The following C5orf58 variants were observed in gnomAD, a reference collection of about 807,000 sequenced individuals.
The protein encoded by C5orf58 is chromosome 5 open reading frame 58.
Under a neutral mutation model 2.9 loss-of-function variants are expected in C5orf58, and 2 were observed. That is an observed-to-expected ratio of 0.69 (90% confidence interval 0.28 to 2.18). The LOEUF (loss-of-function observed/expected upper bound fraction) is 2.18, where lower values mean the gene tolerates loss of function less well. Ranked by LOEUF, C5orf58 falls within the 30% of genes most tolerant of loss-of-function variation. The probability of loss-of-function intolerance (pLI) is 0.13; values close to 1 mark genes in which losing one functional copy is unlikely to be tolerated. For missense variants in C5orf58, 96 were observed against 91.7 expected (o/e 1.05, Z -0.19); for synonymous variants, 37 against 33.4 (o/e 1.11, Z -0.37).
intron 3 of C5orf58, among the ~76,000 whole-genome samples, chr5:170,242,643 A>G (rs958438226): frequency 9.5e-6 from 1 of 105,676 alleles, no homozygotes; most frequent in African/African-American, 3.9e-5. Flanking sequence ...ATCATTTTTT[A>G]TTGTGTCTAT....
chr5:170,236,752 G>A (rs891907766), intron 3 of C5orf58, among the ~76,000 whole-genome samples: 1 of 152,158 alleles, frequency 6.6e-6, no homozygotes, highest in Non-Finnish European at 1.5e-5. Flanking sequence ...AAATCCCATT[G>A]CTATACCCTA....
intron 3 of C5orf58, chr5:170,237,243 G>A: frequency 2.5e-6 from 1 of 398,344 alleles, no homozygotes; most frequent in Non-Finnish European, 4.4e-6. Flanking sequence ...TGAACACTCT[G>A]TGCACCCTCA....
At chr5:170,245,096 G>A (rs1761202914) in intron 3 of C5orf58, among the ~76,000 whole-genome samples, 1 of 152,216 alleles carries the variant, frequency 6.6e-6, no homozygotes, top group Admixed American at 6.5e-5. Context: ...CGGGTCAGGG[G>A]TCAGGGACCC....
At chr5:170,238,956 A>C (rs988531605) in intron 3 of C5orf58, among the ~76,000 whole-genome samples, 2 of 152,248 alleles carry the variant, frequency 1.3e-5, no homozygotes, top group African/African-American at 4.8e-5. Flanking sequence ...AGGGCACTCC[A>C]CAGAATGGAG....
downstream of C5orf58, chr5:170,248,737 C>G: frequency 6.2e-7 from 1 of 1,610,692 alleles, no homozygotes; most frequent in Middle Eastern, 1.7e-4. Context: ...GCACTGGTAT[C>G]TGGAACCTCG....
intron 3 of C5orf58, among the ~76,000 whole-genome samples, chr5:170,238,865 A>G (rs1261208776): frequency 1.3e-5 from 2 of 152,218 alleles, no homozygotes; most frequent in African/African-American, 4.8e-5. Context: ...ATATAATTTT[A>G]TTCCCTCTGG....
downstream of C5orf58, among the ~76,000 whole-genome samples, chr5:170,249,392 A>C (rs566010225): frequency 7.0e-6 from 1 of 143,564 alleles, no homozygotes; most frequent in African/African-American, 2.8e-5. Flanking sequence ...CTACATATCT[A>C]TATATATATA....
intron 3 of C5orf58, among the ~76,000 whole-genome samples, chr5:170,235,840 C>A (rs988048054): frequency 1.1e-4 from 16 of 152,192 alleles, no homozygotes; most frequent in Admixed American, 4.6e-4. Flanking sequence ...AACAAAAAAA[C>A]CAACTTAACT....
At chr5:170,250,745 TCCAGTTC>T, downstream of C5orf58, 1 of 1,613,374 alleles carries the variant, frequency 6.2e-7, no homozygotes, top group Non-Finnish European at 8.5e-7. Flanking sequence ...TCCCTCGGAG[TCCAGTTC>T]CCAACAAGTA....
At chr5:170,244,358 G>A (rs867507945) in intron 3 of C5orf58, among the ~76,000 whole-genome samples, 4 of 150,990 alleles carry the variant, frequency 2.6e-5, no homozygotes, top group Non-Finnish European at 5.9e-5. Flanking sequence ...CTCCTGGATA[G>A]TATCCTGCAG....
intron 3 of C5orf58, among the ~76,000 whole-genome samples, chr5:170,245,640 G>A (rs939421883): frequency 9.2e-5 from 14 of 152,170 alleles, no homozygotes; most frequent in African/African-American, 2.7e-4. Context: ...CTCGCACACC[G>A]TGCGCGCACC....
intron 3 of C5orf58, among the ~76,000 whole-genome samples, chr5:170,245,591 T>A (rs1761239248): frequency 6.6e-6 from 1 of 152,214 alleles, no homozygotes; most frequent in Non-Finnish European, 1.5e-5. Context: ...CCTGACCCCT[T>A]GCACTTCCCA....
intron 2 of C5orf58, chr5:170,251,623 TTTCCTTTG>T (rs1458853972): frequency 1.1e-5 from 5 of 456,010 alleles, no homozygotes; most frequent in Non-Finnish European, 1.8e-5. Flanking sequence ...CAATAATGAC[TTTCCTTTG>T]TTCCTTTTAT....
intron 3 of C5orf58, among the ~76,000 whole-genome samples, chr5:170,239,951 G>A (rs959941460): frequency 2.1e-4 from 30 of 145,560 alleles, no homozygotes; most frequent in Non-Finnish European, 3.4e-4. Context: ...ACAGTTCCCA[G>A]AGTGTGATAT....
chr5:170,251,056 C>T (rs1761427213), downstream of C5orf58: 3 of 582,036 alleles, frequency 5.2e-6, no homozygotes, highest in South Asian at 6.5e-5. Context: ...CAAACAGCTA[C>T]ATATCCCATG....
At chr5:170,245,747 C>G (rs1237255438) in intron 3 of C5orf58, among the ~76,000 whole-genome samples, 1 of 152,232 alleles carries the variant, frequency 6.6e-6, no homozygotes, top group Non-Finnish European at 1.5e-5. Flanking sequence ...GTCGCTCACG[C>G]TGGGAGCTGT....
chr5:170,248,422 A>C, downstream of C5orf58: 1 of 289,218 alleles, frequency 3.5e-6, no homozygotes, highest in Non-Finnish European at 6.5e-6. Flanking sequence ...TGGGCATTAA[A>C]TAATCTTTTA....
intron 3 of C5orf58, among the ~76,000 whole-genome samples, chr5:170,238,171 G>A (rs10053116): frequency 0.032 from 4,924 of 151,954 alleles, 223 homozygotes; most frequent in African/African-American, 0.1. Flanking sequence ...AAAAAGCAGA[G>A]AAAAAATCAA....
chr5:170,239,703 C>T (rs1008533102), intron 3 of C5orf58, among the ~76,000 whole-genome samples: 14 of 151,780 alleles, frequency 9.2e-5, no homozygotes, highest in South Asian at 4.1e-4. Context: ...GTGATATAGC[C>T]GAGAAGTTGG....
Sources: gnomAD v4.1 joint callset for allele counts (sites outside exome capture counted in the v4.1 genomes callset) on GRCh38, gnomAD v4.1.1 for gene constraint, MANE v1.5 for transcripts, NCBI Gene and HGNC (gene_info 2026-07-23, HGNC 2026-07-21) for gene names.